Variants in MPRIP observed in about 807,000 individuals in gnomAD.
The protein encoded by MPRIP is myosin phosphatase Rho-interacting protein.
In MPRIP, 59 loss-of-function variants were observed where a neutral mutation model predicts 234.9. The ratio of observed to expected loss-of-function variants is 0.25; its 90% CI spans 0.20 to 0.31. The LOEUF is 0.31. MPRIP is among the 10% of genes least tolerant of loss of function. The probability of loss-of-function intolerance (pLI) is 1.00; values close to 1 mark genes in which losing one functional copy is unlikely to be tolerated. For missense variants in MPRIP, 2,436 were observed against 3,071.0 expected, an observed-to-expected ratio of 0.79 and a Z score of 4.89; for synonymous variants, 1,144 against 1,263.9, an observed-to-expected ratio of 0.91 and a Z score of 2.01.
At chr17:17,142,292 C>T (rs1304558436) in intron 7 of MPRIP, 6 of 244,738 alleles carry the variant, frequency 2.5e-5, no homozygotes, top group Non-Finnish European at 4.0e-5. Context: ...GGCTGCCTTC[C>T]GTGGTGGTGG....
At chr17:17,077,980 T>G (rs778316081) in intron 2 of MPRIP, 31 bp from the exon 3 acceptor site, 8 of 1,613,514 alleles carry the variant, frequency 5.0e-6, no homozygotes, top group Non-Finnish European at 6.8e-6. Flanking sequence ...ACCCAGATCC[T>G]CCTAACCACC....
intron 18 of MPRIP, among the ~76,000 whole-genome samples, chr17:17,173,548 G>A (rs982940022): frequency 1.3e-5 from 2 of 152,228 alleles, no homozygotes; most frequent in Non-Finnish European, 2.9e-5. Context: ...TTTGGGTCTT[G>A]TGTAGAGCCT....
intron 12 of MPRIP, among the ~76,000 whole-genome samples, chr17:17,153,473 A>G (rs553982211): frequency 1.3e-5 from 2 of 151,966 alleles, no homozygotes; most frequent in South Asian, 4.2e-4. Context: ...GTACCCAGGC[A>G]GGTCTGCTCA....
At chr17:17,067,199 A>T (rs1247977147) in intron 1 of MPRIP, among the ~76,000 whole-genome samples, 2 of 152,198 alleles carry the variant, frequency 1.3e-5, no homozygotes, top group African/African-American at 4.8e-5. Flanking sequence ...CTTACTGTAC[A>T]TCTTAGCAAC....
intron 2 of MPRIP, chr17:17,077,797 C>G (rs1182616652): frequency 1.9e-6 from 1 of 513,326 alleles, no homozygotes; most frequent in Non-Finnish European, 3.5e-6. Context: ...CTCAATCACT[C>G]ATGTGATTTG....
intron 23 of MPRIP, chr17:17,182,862 G>A (rs1349535989): frequency 4.6e-5 from 7 of 152,308 alleles, no homozygotes; most frequent in African/African-American, 7.2e-5. Context: ...AGCAGGAACC[G>A]GGATGTCAGT....
chr17:17,050,314 C>CAAAAAA (rs66950979), intron 1 of MPRIP, among the ~76,000 whole-genome samples: 1 of 92,266 alleles, frequency 1.1e-5, no homozygotes, highest in Non-Finnish European at 2.2e-5. Flanking sequence ...GACTCCGTCT[C>CAAAAAA]AAAAAAAAAA....
intron 15 of MPRIP, among the ~76,000 whole-genome samples, chr17:17,163,864 T>C (rs914694425): frequency 2.6e-5 from 4 of 151,592 alleles, no homozygotes; most frequent in Non-Finnish European, 4.4e-5. Context: ...AGAAGCTGTT[T>C]GGTTAAAGCT....
At chr17:17,057,879 A>G in intron 1 of MPRIP, 1 of 587,004 alleles carries the variant, frequency 1.7e-6, no homozygotes, top group Non-Finnish European at 3.0e-6. Flanking sequence ...GCAATATTGG[A>G]TGTACACAAA....
At chr17:17,060,847 G>C (rs2088847641) in intron 1 of MPRIP, among the ~76,000 whole-genome samples, 1 of 152,154 alleles carries the variant, frequency 6.6e-6, no homozygotes, top group South Asian at 2.1e-4. Flanking sequence ...AGGTAGTTTG[G>C]GTCCACAACT....
At chr17:17,176,920 CAGAG>C (rs749793247) in intron 21 of MPRIP, among the ~76,000 whole-genome samples, 5 of 152,316 alleles carry the variant, frequency 3.3e-5, no homozygotes, top group African/African-American at 7.2e-5. Context: ...ATCTAGGACA[CAGAG>C]AGGATTTCCA....
chr17:17,154,191 G>A (rs1321981206), intron 12 of MPRIP, 115 bp from the exon 13 acceptor site: 2 of 847,166 alleles, frequency 2.4e-6, no homozygotes, highest in Non-Finnish European at 3.8e-6. Context: ...GGGTCACCCA[G>A]TCACAGCCTT....
chr17:17,081,171 T>A (rs1406622598), intron 3 of MPRIP, among the ~76,000 whole-genome samples: 1 of 152,236 alleles, frequency 6.6e-6, no homozygotes, highest in Non-Finnish European at 1.5e-5. Flanking sequence ...TATTTCGAAT[T>A]GTTACTGACT....
At position 17,043,285 on chromosome 17, in the gene MPRIP, C is replaced by T. The variant is rs577591599; in HGVS notation, c.123+314C>T. 1.3e-3 allele frequency among the ~76,000 whole-genome samples: 194 copies of T among 152,256 alleles called. 1 individual carries two copies. Among genetic ancestry groups the T allele is most frequent in the Non-Finnish European group, 3.4e-4 (23 of 68,004 alleles). ...GGGATTGCATGCCGCTTGACGGGAC[C>T]CCCCTGAGATTCTGGCTTGGGACTG... On this transcript the variant is annotated intron_variant, in intron 1 of 23. Coordinates refer to ENST00000651222, the MANE Select transcript of MPRIP (RefSeq NM_001364716.4).
chr17:17,090,298 G>T (rs1368886413), intron 3 of MPRIP, among the ~76,000 whole-genome samples: 1 of 152,188 alleles, frequency 6.6e-6, no homozygotes, highest in African/African-American at 2.4e-5. Flanking sequence ...GTCCCGCAGG[G>T]GCAGAAGGGT....
intron 3 of MPRIP, among the ~76,000 whole-genome samples, chr17:17,112,302 T>G (rs2090188506): frequency 1.3e-5 from 2 of 152,104 alleles, no homozygotes; most frequent in Non-Finnish European, 1.5e-5. Flanking sequence ...GGGGCCACCT[T>G]TAAGACATCT....
Position 17,096,286 on chromosome 17 carries a change from AG to A in MPRIP, c.267+18213del, listed in dbSNP as rs1277000938. On this transcript the variant is annotated intron_variant, in intron 3 of 23. Transcript: ENST00000651222. ...TGCTTGGCAGGGTGTGTGTGTGTGC[AG>A]GGTGTGTGTGTGTGTGTGTGTGTGT... Among the ~76,000 whole-genome samples, 127 of 79,120 alleles carry A rather than the reference AG, an allele frequency of 1.6e-3. 2 individuals carry two copies. Among genetic ancestry groups the A allele is most frequent in the African/African-American group, 6.5e-3 (118 of 18,146 alleles). The allele number at this position is 79,120 out of a possible 152,430, so 51.9% of individuals were successfully genotyped here. A position where few individuals can be genotyped will look rare whatever the true frequency, so the allele number is the denominator to read the frequency against.
chr17:17,161,957 C>T lies in MPRIP; in HGVS notation c.2517+601C>T, dbSNP rs143239603. Reference sequence around the variant, plus strand: ...GGGGTGTCACAAGGCTGGAGCTAGCCTGGCCCAAGGGCGTGCCTATGTCTG... The same window carrying T: ...GGGGTGTCACAAGGCTGGAGCTAGCTTGGCCCAAGGGCGTGCCTATGTCTG... On this transcript the variant is annotated intron_variant, in intron 15 of 23. Transcript: ENST00000651222. 2.4e-3 allele frequency among the ~76,000 whole-genome samples: 370 copies of T among 152,370 alleles called. 3 individuals are homozygous for T. Among genetic ancestry groups the T allele is most frequent in the African/African-American group, 8.6e-3 (356 of 41,592 alleles).
chr17:17,123,227 T>A (rs2090426210), intron 3 of MPRIP, among the ~76,000 whole-genome samples: 1 of 152,188 alleles, frequency 6.6e-6, no homozygotes, highest in African/African-American at 2.4e-5. Flanking sequence ...GGGAAGTGAC[T>A]GCGAATGGCT....
Sources: gnomAD v4.1 joint callset for allele counts (sites outside exome capture counted in the v4.1 genomes callset) on GRCh38, gnomAD v4.1.1 for gene constraint, MANE v1.5 for transcripts, NCBI Gene and HGNC (gene_info 2026-07-23, HGNC 2026-07-21) for gene names.